PMEPA1: variants seen among roughly 807,000 people sequenced by gnomAD.
PMEPA1 encodes protein TMEPAI.
In PMEPA1, 11 loss-of-function variants were observed where a neutral mutation model predicts 23.0. The ratio of observed to expected loss-of-function variants is 0.48; its 90% CI spans 0.30 to 0.79. PMEPA1 has a LOEUF of 0.79. Among genes scored for constraint, PMEPA1 ranks in the 30% least tolerant of loss-of-function variants. PMEPA1 has a pLI of 0.06. For synonymous variants in PMEPA1, 204 were observed against 166.4 expected (o/e 1.23, Z -1.74); for missense variants, 377 against 390.9 (o/e 0.96, Z 0.30).
At chr20:57,671,388 T>C (rs1320960807) in intron 1 of PMEPA1, among the ~76,000 whole-genome samples, 1 of 152,138 alleles carries the variant, frequency 6.6e-6, no homozygotes, top group Admixed American at 6.5e-5. Flanking sequence ...CGTGGTGGTG[T>C]TGACGGCCAC....
chr20:57,683,076 G>A lies in PMEPA1; in HGVS notation c.110-23379C>T, dbSNP rs1043639117. ...TGTCATCTCTCACGCCGCAGTCTCCGGGGGCATTTACGCCACACTTGTCCT... is the reference window on the plus strand; with the variant it reads ...TGTCATCTCTCACGCCGCAGTCTCCAGGGGCATTTACGCCACACTTGTCCT... On this transcript the variant is annotated intron_variant, in intron 1 of 3. Transcript: ENST00000341744. The surrounding 1 kb of genome is among the most constrained non-coding windows in gnomAD (Gnocchi z 4.3). Among the ~76,000 whole-genome samples the A allele has an allele frequency of 6.6e-6, 1 of 152,194 alleles. No individual in the cohort carries two copies. The highest frequency in any genetic ancestry group is 6.5e-5 in the Admixed American group (1 of 15,286).
chr20:57,697,212 C>T (rs996827437), intron 1 of PMEPA1, among the ~76,000 whole-genome samples: 1 of 152,234 alleles, frequency 6.6e-6, no homozygotes, highest in South Asian at 2.1e-4. Context: ...TTTGTCTGCA[C>T]AACTTCCAGT....
At chr20:57,654,355 C>A (rs6025704) in intron 2 of PMEPA1, among the ~76,000 whole-genome samples, 10,006 of 152,208 alleles carry the variant, frequency 0.066, 488 homozygotes, top group African/African-American at 0.14. Context: ...TCACCTCAAA[C>A]GTTCCCTTGG....
At chr20:57,659,910 C>G (rs888526095) in intron 1 of PMEPA1, among the ~76,000 whole-genome samples, 7 of 152,236 alleles carry the variant, frequency 4.6e-5, no homozygotes, top group African/African-American at 1.7e-4. Context: ...GGAGGGGGTA[C>G]TGCTGGCTGG....
intron 1 of PMEPA1, among the ~76,000 whole-genome samples, chr20:57,696,310 C>G (rs545991104): frequency 6.6e-6 from 1 of 152,170 alleles, no homozygotes; most frequent in Non-Finnish European, 1.5e-5. Flanking sequence ...AGCCTGGGCG[C>G]CCCTGGGGCT....
chr20:57,711,375 A>G (rs1023617809), upstream of PMEPA1: 2 of 152,202 alleles, frequency 1.3e-5, no homozygotes, highest in African/African-American at 2.4e-5. Context: ...CGGTGCAGGA[A>G]GTGGGTTCCC....
At chr20:57,710,615 G>T, upstream of PMEPA1, 1 of 721,162 alleles carries the variant, frequency 1.4e-6, no homozygotes, top group East Asian at 3.1e-5. Flanking sequence ...CCCTTGTCAT[G>T]TAAATAGCTG....
intron 1 of PMEPA1, among the ~76,000 whole-genome samples, chr20:57,679,137 G>T (rs369951116): frequency 3.9e-5 from 6 of 152,196 alleles, no homozygotes; most frequent in African/African-American, 1.4e-4. Context: ...CTCCTTAAAT[G>T]ATCTGGTTAG....
intron 1 of PMEPA1, among the ~76,000 whole-genome samples, chr20:57,684,919 T>C (rs139602284): frequency 3.1e-4 from 47 of 152,218 alleles, no homozygotes; most frequent in African/African-American, 1.0e-3. Context: ...CTTTTCCTTT[T>C]TCGATGATGG....
At chr20:57,705,551 C>A (rs964046596) in intron 1 of PMEPA1, among the ~76,000 whole-genome samples, 1 of 152,208 alleles carries the variant, frequency 6.6e-6, no homozygotes, top group African/African-American at 2.4e-5. Flanking sequence ...AACGGGAAAA[C>A]TTCATCTCAA....
Position 57,665,500 on chromosome 20 carries a change from C to T in PMEPA1, c.110-5803G>A, listed in dbSNP as rs910594188. Among the ~76,000 whole-genome samples the T allele has an allele frequency of 7.1e-4, 100 of 140,548 alleles. 1 individual carries two copies. The highest frequency in any genetic ancestry group is 1.8e-4 in the Non-Finnish European group (12 of 66,352). The allele number at this position is 140,548 out of a possible 152,430, so 92.2% of individuals were successfully genotyped here. On this transcript the variant is annotated intron_variant, in intron 1 of 3. Transcript: ENST00000341744. Reference sequence around the variant, plus strand: ...CTACCTCCTTGAGAGGAAGTTACCTCATCTGTCAAAAAAAAAAAAAAAAAA... The same window carrying T: ...CTACCTCCTTGAGAGGAAGTTACCTTATCTGTCAAAAAAAAAAAAAAAAAA...
chr20:57,701,408 C>T (rs1476743807), intron 1 of PMEPA1, among the ~76,000 whole-genome samples: 2 of 152,122 alleles, frequency 1.3e-5, no homozygotes, highest in African/African-American at 4.8e-5. Context: ...CTTCTGGGGG[C>T]CTGCAGCAAG....
At chr20:57,658,884 G>T (rs898628944) in intron 2 of PMEPA1, among the ~76,000 whole-genome samples, 1 of 152,172 alleles carries the variant, frequency 6.6e-6, no homozygotes, top group Non-Finnish European at 1.5e-5. Flanking sequence ...CCACTACCCC[G>T]GTGGGTAAGA....
intron 1 of PMEPA1, among the ~76,000 whole-genome samples, chr20:57,673,518 T>G (rs2071597358): frequency 6.6e-6 from 1 of 152,188 alleles, no homozygotes; most frequent in Admixed American, 6.5e-5. Context: ...GAGCCCGGCA[T>G]GCAGGAGTCC....
chr20:57,683,556 T>TGTGC lies in PMEPA1; in HGVS notation c.110-23860_110-23859insGCAC, dbSNP rs1555882175. Among the ~76,000 whole-genome samples, 419 of 111,924 alleles carry TGTGC rather than the reference T, an allele frequency of 3.7e-3. 2 individuals carry two copies. Among genetic ancestry groups the TGTGC allele is most frequent in the African/African-American group, 5.0e-3 (157 of 31,368 alleles). The allele number at this position is 111,924 out of a possible 152,430, so 73.4% of individuals were successfully genotyped here. ...GTGGTGGTGTTCTGGCCTGTGTGCG[T>TGTGC]GTGTGTGTGTGTGTGTGTGTGTGTG... On this transcript the variant is annotated intron_variant, in intron 1 of 3. Coordinates refer to ENST00000341744, the MANE Select transcript of PMEPA1 (RefSeq NM_020182.5). The surrounding 1 kb of genome is among the most constrained non-coding windows in gnomAD (Gnocchi z 4.3).
rs1232238691 is a variant in PMEPA1, at chr20:57,704,467, T to C, written c.109+5007A>G. ...GCAACACTTTGTAAAAAGCAAAAAA[T>C]GGGCCCTCGGCTTCAATCTCCTTCT... is the stretch of plus-strand genomic sequence containing the variant. On this transcript the variant is annotated intron_variant, in intron 1 of 3. Coordinates refer to ENST00000341744, the MANE Select transcript of PMEPA1 (RefSeq NM_020182.5). The surrounding 1 kb of genome is among the most constrained non-coding windows in gnomAD (Gnocchi z 4.6). Among the ~76,000 whole-genome samples the C allele has an allele frequency of 6.6e-6, 1 of 151,980 alleles. No homozygotes were observed. Among genetic ancestry groups the C allele is most frequent in the Non-Finnish European group, 1.5e-5 (1 of 67,972 alleles).
Position 57,651,839 on chromosome 20 carries a change from T to G in PMEPA1, c.*214A>C. Reference sequence around the variant, plus strand: ...ACAGCTCAACAAAGAAACGTGGTTTTTTTTTTTCTTTTTTCTTTTTTTTTT... The same window carrying G: ...ACAGCTCAACAAAGAAACGTGGTTTGTTTTTTTCTTTTTTCTTTTTTTTTT... On this transcript the variant is annotated 3_prime_UTR_variant, in exon 4 of 4. Transcript: ENST00000341744. 2.8e-6 allele frequency: 1 copy of G among 359,330 alleles called. No homozygotes were observed. The highest frequency in any genetic ancestry group is 4.9e-6 in the Non-Finnish European group (1 of 206,180). The allele number at this position is 359,330 out of a possible 1,614,324, so 22.3% of individuals were successfully genotyped here.
rs1237257156 is a variant in PMEPA1 at position 57,709,608 on chromosome 20, G to A, written c.-26C>T. On this transcript the variant is annotated 5_prime_UTR_variant, in exon 1 of 4. Coordinates refer to ENST00000341744, the MANE Select transcript of PMEPA1 (RefSeq NM_020182.5). The stretch of plus-strand genomic sequence containing the variant: ...GGACGGCGCGGCGGCGCGGCGCGGG[G>A]CGCGGGGGGCTCGGGGGCGGCCGGG... 2 of 991,188 alleles carry A rather than the reference G, an allele frequency of 2.0e-6. No individual in the cohort carries two copies. Among genetic ancestry groups the A allele is most frequent in the Admixed American group, 6.4e-5 (1 of 15,614 alleles). 61.4% of individuals were successfully genotyped at this position (991,188 alleles called of 1,614,324 possible).
intron 1 of PMEPA1, among the ~76,000 whole-genome samples, chr20:57,669,715 C>T (rs557455829): frequency 6.6e-6 from 1 of 152,242 alleles, no homozygotes; most frequent in African/African-American, 2.4e-5. Context: ...AGTGACTGTC[C>T]ACGTCTGCAC....
Sources: gnomAD v4.1 joint callset for allele counts (sites outside exome capture counted in the v4.1 genomes callset) on GRCh38, gnomAD v4.1.1 for gene constraint, Gnocchi (gnomAD v3.1) non-coding constraint, MANE v1.5 for transcripts, NCBI Gene and HGNC (gene_info 2026-07-23, HGNC 2026-07-21) for gene names.